The following DLC1 variants were observed in gnomAD, a reference collection of about 807,000 sequenced individuals.
The protein encoded by DLC1 is DLC1 Rho GTPase activating protein, also known as rho GTPase-activating protein 7.
Under a neutral mutation model 140.3 loss-of-function variants are expected in DLC1, and 54 were observed. The ratio of observed to expected loss-of-function variants is 0.38; its 90% CI spans 0.31 to 0.48. The LOEUF (loss-of-function observed/expected upper bound fraction) is 0.48. DLC1 is among the 20% of genes least tolerant of loss of function. DLC1 has a pLI of 0.96. For missense variants in DLC1, 2,536 were observed against 1,907.0 expected, an observed-to-expected ratio of 1.33 and a Z score of -6.14; for synonymous variants, 986 against 728.1, an observed-to-expected ratio of 1.35 and a Z score of -5.70.
intron 4 of DLC1, among the ~76,000 whole-genome samples, chr8:13,372,929 A>C (rs1332235873): frequency 6.6e-6 from 1 of 152,230 alleles, no homozygotes; most frequent in Non-Finnish European, 1.5e-5. Context: ...CCCAGCATCC[A>C]CCAGGGGTTG....
chr8:13,151,192 A>G (rs1000296552), intron 5 of DLC1, among the ~76,000 whole-genome samples: 8 of 152,248 alleles, frequency 5.3e-5, no homozygotes, highest in Admixed American at 3.3e-4. Flanking sequence ...TGATGTTTAC[A>G]TGGGAAGACT....
chr8:13,495,370 A>G (rs1160267502), intron 2 of DLC1, among the ~76,000 whole-genome samples: 2 of 152,098 alleles, frequency 1.3e-5, no homozygotes, highest in Non-Finnish European at 2.9e-5. Flanking sequence ...CCTCCAGACT[A>G]CTTTGGAATT....
intron 5 of DLC1, among the ~76,000 whole-genome samples, chr8:13,207,587 C>A (rs764172105): frequency 2.6e-5 from 4 of 151,904 alleles, no homozygotes; most frequent in Non-Finnish European, 4.4e-5. Context: ...AGAAACTCAA[C>A]CTTAAAAATA....
intron 2 of DLC1, among the ~76,000 whole-genome samples, chr8:13,455,577 C>T (rs1462537235): frequency 1.3e-5 from 2 of 152,192 alleles, no homozygotes. Flanking sequence ...TGGCTCTCTC[C>T]CTTATCTCTT....
chr8:13,133,816 G>C (rs568664489), intron 5 of DLC1, among the ~76,000 whole-genome samples: 1 of 152,110 alleles, frequency 6.6e-6, no homozygotes, highest in Non-Finnish European at 1.5e-5. Flanking sequence ...AGGGGAAGCG[G>C]AGAGGAAGGG....
intron 5 of DLC1, among the ~76,000 whole-genome samples, chr8:13,164,025 G>T (rs932134512): frequency 6.6e-6 from 1 of 151,986 alleles, no homozygotes. Context: ...AGCCGGGCGT[G>T]GTGGCTCACA....
chr8:13,136,550 G>A (rs1294726729), intron 5 of DLC1, among the ~76,000 whole-genome samples: 1 of 152,122 alleles, frequency 6.6e-6, no homozygotes, highest in African/African-American at 2.4e-5. Context: ...CCCTGTTGCC[G>A]AGGCTGCAGC....
chr8:13,104,031 G>A (rs1157911630), intron 7 of DLC1, among the ~76,000 whole-genome samples: 1 of 151,984 alleles, frequency 6.6e-6, no homozygotes, highest in Non-Finnish European at 1.5e-5. Flanking sequence ...TCATAATCTT[G>A]GACAGCCTGT....
intron 2 of DLC1, among the ~76,000 whole-genome samples, chr8:13,473,152 G>A (rs1192833878): frequency 6.6e-6 from 1 of 152,148 alleles, no homozygotes; most frequent in African/African-American, 2.4e-5. Context: ...CTATTTATGA[G>A]TATACCATCT....
At chr8:13,383,824 C>T (rs2117173525) in intron 4 of DLC1, among the ~76,000 whole-genome samples, 1 of 152,242 alleles carries the variant, frequency 6.6e-6, no homozygotes, top group South Asian at 2.1e-4. Context: ...CACGAATAAG[C>T]CAATTTCGAA....
intron 2 of DLC1, among the ~76,000 whole-genome samples, chr8:13,419,740 G>A (rs561716697): frequency 1.0e-3 from 152 of 152,206 alleles, no homozygotes; most frequent in African/African-American, 3.6e-3. Flanking sequence ...AATGAGTTAG[G>A]GAGGATTCTC....
chr8:13,582,024 C>T (rs760364518), intron 1 of DLC1, among the ~76,000 whole-genome samples: 1 of 152,032 alleles, frequency 6.6e-6, no homozygotes, highest in Non-Finnish European at 1.5e-5. Flanking sequence ...GTTCTAGTCC[C>T]ATGGGGTCTC....
intron 4 of DLC1, among the ~76,000 whole-genome samples, chr8:13,337,766 T>G (rs950122628): frequency 8.5e-5 from 13 of 152,182 alleles, no homozygotes; most frequent in Admixed American, 3.9e-4. Flanking sequence ...TTACTGTTGT[T>G]TAACAGGGAT....
At chr8:13,173,931 T>C (rs1280057886) in intron 5 of DLC1, among the ~76,000 whole-genome samples, 1 of 152,150 alleles carries the variant, frequency 6.6e-6, no homozygotes, top group African/African-American at 2.4e-5. Flanking sequence ...TGCATGATGC[T>C]GAGGTTTGGG....
In DLC1 at chr8:13,086,194, A is replaced by C. The variant is rs1253228129; in HGVS notation, c.4466+96T>G. ...TTCTTCATGAAGTCACCAAGAAAAA[A>C]TGACGTGTTTGTTTAAGGCATTCTT... On this transcript the variant is annotated intron_variant, in intron 17 of 17. Coordinates refer to ENST00000276297, the MANE Select transcript of DLC1 (RefSeq NM_182643.3). 31 of 1,480,344 alleles carry C rather than the reference A, an allele frequency of 2.1e-5. No homozygotes were observed. The East Asian group carries it at 6.2e-4, about 29-fold the overall frequency. The allele number at this position is 1,480,344 out of a possible 1,614,324, so 91.7% of individuals were successfully genotyped here.
chr8:13,460,863 A>C (rs994029317), intron 2 of DLC1, among the ~76,000 whole-genome samples: 2 of 152,058 alleles, frequency 1.3e-5, no homozygotes, highest in Non-Finnish European at 2.9e-5. Flanking sequence ...TCCTCTATGG[A>C]GTTACAGTGG....
chr8:13,173,659 C>A (rs952173694), intron 5 of DLC1, among the ~76,000 whole-genome samples: 1 of 152,144 alleles, frequency 6.6e-6, no homozygotes, highest in Non-Finnish European at 1.5e-5. Context: ...CTTGAGCCAC[C>A]GCGCCCGGCC....
At chr8:13,323,396 T>G (rs1339467323) in intron 4 of DLC1, among the ~76,000 whole-genome samples, 1 of 152,206 alleles carries the variant, frequency 6.6e-6, no homozygotes, top group Admixed American at 6.5e-5. Flanking sequence ...ATATAAAAAT[T>G]AAAAATTTCT....
chr8:13,531,768 T>C (rs927465141), intron 1 of DLC1, among the ~76,000 whole-genome samples: 1 of 152,162 alleles, frequency 6.6e-6, no homozygotes, highest in African/African-American at 2.4e-5. Flanking sequence ...CAGTGCTATG[T>C]TTGATGAAAA....
Sources: gnomAD v4.1 joint callset for allele counts (sites outside exome capture counted in the v4.1 genomes callset) on GRCh38, gnomAD v4.1.1 for gene constraint, MANE v1.5 for transcripts, NCBI Gene and HGNC (gene_info 2026-07-23, HGNC 2026-07-21) for gene names.